DTNB: variants seen among roughly 807,000 people sequenced by gnomAD.
DTNB encodes dystrobrevin beta, also known as DTN-B.
Under a neutral mutation model 90.7 loss-of-function variants are expected in DTNB, and 63 were observed. That is an observed-to-expected ratio of 0.69 (90% confidence interval 0.57 to 0.86). The LOEUF is 0.86. Ranked by LOEUF, DTNB falls within the 40% of genes least tolerant of loss-of-function variation. The pLI is 0.00. For synonymous variants in DTNB, 277 were observed against 286.7 expected (o/e 0.97, Z 0.34); for missense variants, 744 against 807.1 (o/e 0.92, Z 0.95).
At chr2:25,500,428 G>A (rs1488013465) in intron 9 of DTNB, among the ~76,000 whole-genome samples, 2 of 152,174 alleles carry the variant, frequency 1.3e-5, no homozygotes, top group Non-Finnish European at 2.9e-5. Context: ...CGCTCCTCAT[G>A]CGTACTAAAC....
At chr2:25,643,869 G>C (rs1185487729) in intron 2 of DTNB, among the ~76,000 whole-genome samples, 1 of 152,180 alleles carries the variant, frequency 6.6e-6, no homozygotes, top group Non-Finnish European at 1.5e-5. Context: ...CACAGGATGA[G>C]ATAGGAGGTC....
chr2:25,382,519 C>CT (rs3041261), intron 19 of DTNB, among the ~76,000 whole-genome samples: 16,435 of 71,946 alleles, frequency 0.23, 4,549 homozygotes, highest in Non-Finnish European at 0.28. Context: ...AGTTCTCTGC[C>CT]TTTTTTTTTT....
chr2:25,664,068 T>C (rs2083820556), intron 1 of DTNB, among the ~76,000 whole-genome samples: 1 of 152,222 alleles, frequency 6.6e-6, no homozygotes, highest in African/African-American at 2.4e-5. Context: ...TTTATAAGAT[T>C]AGCCCATAAT....
At chr2:25,636,809 A>G (rs1446046957) in intron 3 of DTNB, among the ~76,000 whole-genome samples, 3 of 151,822 alleles carry the variant, frequency 2.0e-5, no homozygotes, top group African/African-American at 7.3e-5. Context: ...AAATGATTTC[A>G]TGAAGCATTA....
intron 10 of DTNB, chr2:25,481,801 G>A (rs1453659402): frequency 3.3e-5 from 5 of 152,220 alleles, no homozygotes; most frequent in African/African-American, 7.2e-5. Context: ...AGAAATTCCA[G>A]TTCACTGGGT....
chr2:25,544,134 C>T (rs2081955384), intron 8 of DTNB, among the ~76,000 whole-genome samples: 1 of 152,154 alleles, frequency 6.6e-6, no homozygotes, highest in South Asian at 2.1e-4. Flanking sequence ...ATGTGGAGTA[C>T]CACCCTCAGG....
At chr2:25,413,066 C>T (rs953875905) in intron 16 of DTNB, among the ~76,000 whole-genome samples, 1 of 152,096 alleles carries the variant, frequency 6.6e-6, no homozygotes, top group African/African-American at 2.4e-5. Context: ...AGATATCCTG[C>T]ATTTTATAGA....
rs57159343 is a variant in DTNB, at chr2:25,477,265, A to C, written c.1079+5531T>G. 8.2e-3 allele frequency among the ~76,000 whole-genome samples: 1,242 copies of C among 152,326 alleles called. 16 individuals are homozygous for C. Among genetic ancestry groups the C allele is most frequent in the African/African-American group, 0.028 (1,173 of 41,572 alleles). ...TACTGGGAAATTTAAAAGTTTGTAT[A>C]AGTCACTTGATTACAATATACACTT... On this transcript the variant is annotated intron_variant, in intron 10 of 20. Transcript: ENST00000406818.
At chr2:25,402,493 T>A (rs1156863458) in intron 16 of DTNB, among the ~76,000 whole-genome samples, 1 of 152,002 alleles carries the variant, frequency 6.6e-6, no homozygotes, top group East Asian at 1.9e-4. Flanking sequence ...GAAAGTGGAG[T>A]CTTTTAAAGA....
intron 4 of DTNB, among the ~76,000 whole-genome samples, chr2:25,617,882 A>T (rs2071239044): frequency 6.6e-6 from 1 of 151,474 alleles, no homozygotes; most frequent in Non-Finnish European, 1.5e-5. Context: ...TGTCTCAATA[A>T]AAAATTTAAA....
At chr2:25,504,192 C>T (rs150746277) in intron 9 of DTNB, among the ~76,000 whole-genome samples, 14 of 152,110 alleles carry the variant, frequency 9.2e-5, no homozygotes, top group Non-Finnish European at 1.6e-4. Context: ...TGCTTGAACC[C>T]GGCAGGCAGA....
At chr2:25,573,004 G>A (rs1252657360) in intron 8 of DTNB, among the ~76,000 whole-genome samples, 2 of 151,550 alleles carry the variant, frequency 1.3e-5, no homozygotes, top group African/African-American at 2.4e-5. Flanking sequence ...GCAATGGCAC[G>A]ATCTCGGCTC....
rs1248515025 is a variant in DTNB, at chr2:25,433,932, C to T, written c.1321G>A (p.Ala441Thr). The T allele has an allele frequency of 6.2e-7, 1 of 1,613,602 alleles. No homozygotes were observed. Among genetic ancestry groups the T allele is most frequent in the Non-Finnish European group, 8.5e-7 (1 of 1,179,774 alleles). The change falls in exon 13 of 21, where the codon GCA becomes ACA. Residue 441 changes from alanine (A) to threonine (T), a missense_variant. Coordinates refer to ENST00000406818, the MANE Select transcript of DTNB (RefSeq NM_021907.5). The part of the protein sequence containing the change: ...DANKQQRQLI[A>T]ELENKNREIL... ...TACCTGTTTTTGTTTTCCAGTTCTG[C>T]AATAAGCTGTCTTTGTTGTTTGTTG...
chr2:25,643,617 G>A (rs1358861007), intron 2 of DTNB, among the ~76,000 whole-genome samples: 3 of 152,208 alleles, frequency 2.0e-5, no homozygotes. Context: ...AATCAAAGTA[G>A]AGGGGAAGCC....
At chr2:25,524,849 T>A (rs1003254396) in intron 9 of DTNB, among the ~76,000 whole-genome samples, 2 of 152,198 alleles carry the variant, frequency 1.3e-5, no homozygotes, top group Non-Finnish European at 2.9e-5. Context: ...CAAACATTTA[T>A]GAGCTGAACC....
chr2:25,613,449 C>A (rs548405778), intron 4 of DTNB, among the ~76,000 whole-genome samples: 1 of 152,194 alleles, frequency 6.6e-6, no homozygotes, highest in South Asian at 2.1e-4. Flanking sequence ...TGTTTATGTC[C>A]ATGAGTACCC....
At position 25,475,008 on chromosome 2, in the gene DTNB, C is replaced by T. The variant is rs1340387812; in HGVS notation, c.1079+7788G>A. On this transcript the variant is annotated intron_variant, in intron 10 of 20. Transcript: ENST00000406818. The stretch of plus-strand genomic sequence containing the variant: ...TCTCTCTCTCTCTCTTCTCAGGCCT[C>T]CCTATTCCCTAAGACATAAAAATAT... Among the ~76,000 whole-genome samples, 5 of 152,264 alleles carry T rather than the reference C, an allele frequency of 3.3e-5. No individual in the cohort carries two copies. The East Asian group carries it at 5.8e-4, about 18-fold the overall frequency.
intron 15 of DTNB, among the ~76,000 whole-genome samples, chr2:25,423,172 G>A (rs77188277): frequency 0.31 from 46,395 of 151,786 alleles, 7,423 homozygotes; most frequent in Middle Eastern, 0.36. Flanking sequence ...ACCCCAGCCT[G>A]GGCAACAGAG....
intron 14 of DTNB, among the ~76,000 whole-genome samples, chr2:25,432,541 C>T (rs2054255253): frequency 6.6e-6 from 1 of 152,180 alleles, no homozygotes; most frequent in African/African-American, 2.4e-5. Flanking sequence ...AGCATTCTTC[C>T]CGCCAAGTGT....
Sources: gnomAD v4.1 joint callset for allele counts (sites outside exome capture counted in the v4.1 genomes callset) on GRCh38, gnomAD v4.1.1 for gene constraint, MANE v1.5 for transcripts, NCBI Gene and HGNC (gene_info 2026-07-23, HGNC 2026-07-21) for gene names.